Variants in METTL15 observed in about 807,000 individuals in gnomAD.
METTL15 encodes methyltransferase 15, mitochondrial 12S rRNA N4-cytidine.
A neutral mutation model predicts 38.3 loss-of-function variants in METTL15; 34 were observed. The observed-to-expected ratio is 0.89, with a 90% CI of 0.68 to 1.18. The LOEUF (loss-of-function observed/expected upper bound fraction) is 1.18, where lower values mean the gene tolerates loss of function less well. Among genes scored for constraint, METTL15 ranks in the 50% most tolerant of loss-of-function variants. The pLI is 0.00. For missense variants in METTL15, 438 were observed against 498.4 expected, an observed-to-expected ratio of 0.88 and a Z score of 1.15; for synonymous variants, 162 against 170.9, an observed-to-expected ratio of 0.95 and a Z score of 0.41.
At chr11:28,246,981 C>T (rs1216934724) in intron 4 of METTL15, among the ~76,000 whole-genome samples, 1 of 152,114 alleles carries the variant, frequency 6.6e-6, no homozygotes, top group Non-Finnish European at 1.5e-5. Context: ...TAAATTGCCT[C>T]TTTCACTGTG....
At chr11:28,198,627 G>A (rs890167713) in intron 3 of METTL15, among the ~76,000 whole-genome samples, 4 of 151,952 alleles carry the variant, frequency 2.6e-5, no homozygotes, top group Admixed American at 6.6e-5. Flanking sequence ...TTTTGTATAA[G>A]CCCATATAAT....
intron 5 of METTL15, among the ~76,000 whole-genome samples, chr11:28,389,759 G>A (rs1329292624): frequency 4.0e-5 from 6 of 151,596 alleles, no homozygotes; most frequent in Non-Finnish European, 8.8e-5. Context: ...TAATGGGATG[G>A]CTGGGTCAAA....
intron 4 of METTL15, among the ~76,000 whole-genome samples, chr11:28,250,051 A>G (rs926440528): frequency 6.6e-6 from 1 of 152,038 alleles, no homozygotes; most frequent in Non-Finnish European, 1.5e-5. Context: ...AAAAGACACG[A>G]TCTTATTCTT....
rs531611665 is a variant in METTL15, at chr11:28,521,293, C to G, written c.*425-5185C>G. On this transcript the variant is annotated intron_variant and NMD_transcript_variant, in intron 6 of 7. Coordinates refer to the METTL15 transcript ENST00000532947. Reference sequence around the variant, plus strand: ...ACATGTCCAGCCAGTTCTGACATGTCAGGGCCTGTCCGAATGCCCGAAGGG... The same window carrying G: ...ACATGTCCAGCCAGTTCTGACATGTGAGGGCCTGTCCGAATGCCCGAAGGG... Among the ~76,000 whole-genome samples, 52 of 152,298 alleles carry G rather than the reference C, an allele frequency of 3.4e-4. 1 individual carries two copies. The East Asian group carries it at 9.6e-3, about 28-fold the overall frequency.
chr11:28,204,272 A>T (rs559746970), intron 3 of METTL15, among the ~76,000 whole-genome samples: 1 of 151,752 alleles, frequency 6.6e-6, no homozygotes, highest in Non-Finnish European at 1.5e-5. Context: ...TATGTCTTAC[A>T]TTTTTTGTTC....
At chr11:28,224,378 T>C (rs1364393502) in intron 4 of METTL15, among the ~76,000 whole-genome samples, 1 of 151,964 alleles carries the variant, frequency 6.6e-6, no homozygotes, top group Non-Finnish European at 1.5e-5. Context: ...GATATATCTT[T>C]CCACTTATTC....
At chr11:28,124,009 T>C (rs12796020) in intron 3 of METTL15, 3 of 590,756 alleles carry the variant, frequency 5.1e-6, no homozygotes, top group Non-Finnish European at 7.8e-6. Flanking sequence ...TTTTATATAT[T>C]ATTGACTGTG....
chr11:28,402,675 A>G (rs1355346671), intron 5 of METTL15, among the ~76,000 whole-genome samples: 1 of 151,944 alleles, frequency 6.6e-6, no homozygotes, highest in African/African-American at 2.4e-5. Flanking sequence ...CTAACTTTTT[A>G]AAATTTCAAT....
intron 6 of METTL15, among the ~76,000 whole-genome samples, chr11:28,301,931 CAG>C (rs1329268596): frequency 2.0e-5 from 3 of 151,954 alleles, no homozygotes. Flanking sequence ...TTTTAAGTGA[CAG>C]GGTCTCCTTC....
At chr11:28,171,348 G>A (rs1055372582) in intron 3 of METTL15, among the ~76,000 whole-genome samples, 1 of 152,046 alleles carries the variant, frequency 6.6e-6, no homozygotes, top group Non-Finnish European at 1.5e-5. Flanking sequence ...GCTTTTTAAA[G>A]CCTTTGTTTC....
intron 3 of METTL15, among the ~76,000 whole-genome samples, chr11:28,142,151 TTGACTTTGTTTATGATTC>T (rs1436764867): frequency 6.6e-6 from 1 of 152,224 alleles, no homozygotes; most frequent in East Asian, 1.9e-4. Context: ...AAGATGTTAA[TTGACTTTGTTTATGATTC>T]TAGAATTGTA....
At chr11:28,147,948 G>T (rs1001638199) in intron 3 of METTL15, among the ~76,000 whole-genome samples, 3 of 151,746 alleles carry the variant, frequency 2.0e-5, no homozygotes, top group East Asian at 1.9e-4. Flanking sequence ...GGGTTACTTG[G>T]TTTTTTACCT....
intron 4 of METTL15, among the ~76,000 whole-genome samples, chr11:28,276,302 T>C (rs1400715261): frequency 6.6e-6 from 1 of 152,088 alleles, no homozygotes; most frequent in African/African-American, 2.4e-5. Context: ...ACACCAGTAA[T>C]GATCTAACTG....
At chr11:28,281,172 C>G (rs1358037059) in intron 4 of METTL15, among the ~76,000 whole-genome samples, 1 of 152,112 alleles carries the variant, frequency 6.6e-6, no homozygotes, top group Non-Finnish European at 1.5e-5. Context: ...GACTATGTTA[C>G]CCTAATGCAA....
At chr11:28,484,448 C>A (rs1341331710) in intron 6 of METTL15, among the ~76,000 whole-genome samples, 1 of 152,166 alleles carries the variant, frequency 6.6e-6, no homozygotes, top group South Asian at 2.1e-4. Context: ...AGTGGATGCC[C>A]AGCCTACATG....
chr11:28,141,737 T>A (rs1034063095), intron 3 of METTL15, among the ~76,000 whole-genome samples: 1 of 152,114 alleles, frequency 6.6e-6, no homozygotes, highest in African/African-American at 2.4e-5. Flanking sequence ...TAAAATCTTG[T>A]GACTCCTGAG....
At chr11:28,465,465 C>T (rs935629702) in intron 6 of METTL15, among the ~76,000 whole-genome samples, 49 of 152,198 alleles carry the variant, frequency 3.2e-4, no homozygotes, top group Non-Finnish European at 1.2e-4. Context: ...CTTCTGACTT[C>T]CACACCTATA....
intron 3 of METTL15, among the ~76,000 whole-genome samples, chr11:28,154,699 C>T (rs2133727512): frequency 6.6e-6 from 1 of 152,202 alleles, no homozygotes; most frequent in South Asian, 2.1e-4. Flanking sequence ...AGAACTCTCT[C>T]ATACAAGGAT....
chr11:28,168,448 A>G (rs1184843240), intron 3 of METTL15, among the ~76,000 whole-genome samples: 3 of 151,744 alleles, frequency 2.0e-5, no homozygotes. Flanking sequence ...AGAGCAAACA[A>G]TCAGTAGTTT....
Sources: gnomAD v4.1 joint callset for allele counts (sites outside exome capture counted in the v4.1 genomes callset) on GRCh38, gnomAD v4.1.1 for gene constraint, MANE v1.5 for transcripts, NCBI Gene and HGNC (gene_info 2026-07-23, HGNC 2026-07-21) for gene names.